Variants in ZNF385D observed in about 807,000 individuals in gnomAD.
The protein encoded by ZNF385D is zinc finger protein 659.
In ZNF385D, 15 loss-of-function variants were observed where a neutral mutation model predicts 35.8. That is an observed-to-expected ratio of 0.42 (90% CI 0.28 to 0.64). The LOEUF (loss-of-function observed/expected upper bound fraction) is 0.64, where lower values mean the gene tolerates loss of function less well. ZNF385D is among the 30% of genes least tolerant of loss of function. The pLI is 0.23. For missense variants in ZNF385D, 474 were observed against 494.6 expected, an observed-to-expected ratio of 0.96 and a Z score of 0.39; for synonymous variants, 212 against 186.8, an observed-to-expected ratio of 1.13 and a Z score of -1.10.
intron 3 of ZNF385D, among the ~76,000 whole-genome samples, chr3:21,778,362 A>C (rs2071370037): frequency 6.6e-6 from 1 of 151,802 alleles, no homozygotes; most frequent in Admixed American, 6.6e-5. Context: ...CAACTACTTC[A>C]TTTTATCCCT....
At chr3:21,967,895 A>G (rs554204867) in intron 3 of ZNF385D, among the ~76,000 whole-genome samples, 2 of 152,334 alleles carry the variant, frequency 1.3e-5, no homozygotes, top group Admixed American at 6.5e-5. Context: ...AACCACCACC[A>G]TAAGAACTAA....
chr3:21,701,107 T>C lies in ZNF385D; in HGVS notation c.23-36079A>G, dbSNP rs1012993909. ...GGTATTATTTCCTGATGAGTTACCA[T>C]GGATTGGCTATGACCCTCTACCAAA... On this transcript the variant is annotated intron_variant, in intron 1 of 7. Coordinates refer to ENST00000281523, the MANE Select transcript of ZNF385D (RefSeq NM_024697.3). Among the ~76,000 whole-genome samples the C allele has an allele frequency of 2.6e-5, 4 of 152,178 alleles. No individual in the cohort carries two copies. The South Asian group carries it at 8.3e-4, about 32-fold the overall frequency.
chr3:21,765,163 C>T (rs558949791), intron 3 of ZNF385D, among the ~76,000 whole-genome samples: 3 of 151,818 alleles, frequency 2.0e-5, no homozygotes, highest in South Asian at 4.2e-4. Context: ...CAGCAATTTC[C>T]AAAAGGATAC....
intron 3 of ZNF385D, among the ~76,000 whole-genome samples, chr3:21,925,534 A>C (rs1390925141): frequency 6.6e-6 from 1 of 152,186 alleles, no homozygotes; most frequent in Non-Finnish European, 1.5e-5. Flanking sequence ...AATAGAAAAC[A>C]ATGGAGAAAA....
intron 2 of ZNF385D, among the ~76,000 whole-genome samples, chr3:22,208,295 A>T (rs531454083): frequency 6.6e-6 from 1 of 152,008 alleles, no homozygotes; most frequent in Admixed American, 6.6e-5. Context: ...AACAACATGG[A>T]TGGAACTGGA....
chr3:21,978,322 C>A (rs568748442), intron 3 of ZNF385D: 1 of 152,216 alleles, frequency 6.6e-6, no homozygotes, highest in Non-Finnish European at 1.5e-5. Flanking sequence ...TGCTGTCTAT[C>A]TGTTACTGGT....
intron 2 of ZNF385D, among the ~76,000 whole-genome samples, chr3:22,215,726 T>G (rs1234053157): frequency 6.6e-6 from 1 of 151,842 alleles, no homozygotes; most frequent in African/African-American, 2.4e-5. Flanking sequence ...TTGTGAAGCA[T>G]GTGATCTCTG....
chr3:21,663,038 G>C (rs929226576), intron 2 of ZNF385D, among the ~76,000 whole-genome samples: 1 of 152,038 alleles, frequency 6.6e-6, no homozygotes, highest in Non-Finnish European at 1.5e-5. Context: ...AGGTCTTATC[G>C]ATGGTAACAG....
chr3:21,851,584 T>C (rs1319819716), intron 3 of ZNF385D, among the ~76,000 whole-genome samples: 6 of 151,866 alleles, frequency 4.0e-5, no homozygotes, highest in African/African-American at 1.4e-4. Context: ...TCAACAGCAA[T>C]AAAAAGCAAA....
rs116434595 is a variant in ZNF385D at position 22,303,146 on chromosome 3, A to G, written c.106+69304T>C. On this transcript the variant is annotated intron_variant, in intron 2 of 5. Transcript: ENST00000494108. The stretch of plus-strand genomic sequence containing the variant: ...TCCATTCCATTGTTCAATGATAATA[A>G]TATCGTTGGCTGCACATGTTGCCTA... Among the ~76,000 whole-genome samples the G allele has an allele frequency of 9.2e-3, 1,396 of 152,272 alleles. 18 individuals are homozygous for G. Among genetic ancestry groups the G allele is most frequent in the South Asian group, 0.05 (242 of 4,816 alleles).
intron 3 of ZNF385D, among the ~76,000 whole-genome samples, chr3:21,998,138 T>A (rs1695600076): frequency 6.6e-6 from 1 of 152,144 alleles, no homozygotes; most frequent in Non-Finnish European, 1.5e-5. Flanking sequence ...CTTATATGGT[T>A]CCAGGAACTT....
intron 2 of ZNF385D, among the ~76,000 whole-genome samples, chr3:22,208,221 A>C (rs1697282577): frequency 6.6e-6 from 1 of 151,934 alleles, no homozygotes; most frequent in Non-Finnish European, 1.5e-5. Flanking sequence ...GAGAAAGAAA[A>C]TGTGCTACAT....
chr3:22,163,996 C>G (rs1348797722), intron 3 of ZNF385D, among the ~76,000 whole-genome samples: 1 of 152,172 alleles, frequency 6.6e-6, no homozygotes, highest in East Asian at 1.9e-4. Flanking sequence ...CCACTAATAA[C>G]TGTGTAAGGC....
intron 4 of ZNF385D, among the ~76,000 whole-genome samples, chr3:21,492,347 T>C (rs1036395294): frequency 1.1e-4 from 17 of 151,106 alleles, no homozygotes; most frequent in Admixed American, 7.9e-4. Flanking sequence ...GCCCACAAAT[T>C]GAATGGGTTT....
intron 3 of ZNF385D, among the ~76,000 whole-genome samples, chr3:21,917,182 AC>A (rs1700230510): frequency 6.6e-6 from 1 of 152,196 alleles, no homozygotes; most frequent in African/African-American, 2.4e-5. Context: ...CTGTAATCCC[AC>A]CACTTTGGGA....
At chr3:21,642,645 C>A (rs561658485) in intron 2 of ZNF385D, among the ~76,000 whole-genome samples, 3 of 152,198 alleles carry the variant, frequency 2.0e-5, no homozygotes, top group Admixed American at 2.0e-4. Flanking sequence ...CATATATTTG[C>A]ACACAAATGT....
At chr3:21,909,652 T>A (rs938454348) in intron 3 of ZNF385D, among the ~76,000 whole-genome samples, 1 of 152,038 alleles carries the variant, frequency 6.6e-6, no homozygotes, top group Non-Finnish European at 1.5e-5. Context: ...TCTTGGATAC[T>A]GTAGCAGGAA....
chr3:21,998,665 C>T (rs1466966106), intron 3 of ZNF385D, among the ~76,000 whole-genome samples: 1 of 152,130 alleles, frequency 6.6e-6, no homozygotes, highest in Non-Finnish European at 1.5e-5. Context: ...ATATTTTGAA[C>T]CTATGTTAAT....
intron 2 of ZNF385D, among the ~76,000 whole-genome samples, chr3:22,324,104 C>T (rs984483927): frequency 8.6e-5 from 13 of 151,892 alleles, no homozygotes; most frequent in African/African-American, 2.9e-4. Flanking sequence ...TATAACTTGG[C>T]GGGGAAAGGA....
Sources: gnomAD v4.1 joint callset for allele counts (sites outside exome capture counted in the v4.1 genomes callset) on GRCh38, gnomAD v4.1.1 for gene constraint, MANE v1.5 for transcripts, NCBI Gene and HGNC (gene_info 2026-07-23, HGNC 2026-07-21) for gene names.